Variants in BCO1 observed in about 807,000 individuals in gnomAD.
The protein encoded by BCO1 is beta-carotene oxygenase 1.
In BCO1, 54 loss-of-function variants were observed where a neutral mutation model predicts 56.3. That is an observed-to-expected ratio of 0.96 (90% CI 0.77 to 1.20). The LOEUF is 1.20. Ranked by LOEUF, BCO1 falls within the 50% of genes most tolerant of loss-of-function variation. The pLI is 0.00. For synonymous variants in BCO1, 318 were observed against 266.1 expected (o/e 1.20, Z -1.90); for missense variants, 801 against 690.9 (o/e 1.16, Z -1.79).
At chr16:81,276,389 C>G (rs1045256475) in intron 7 of BCO1, among the ~76,000 whole-genome samples, 2 of 152,174 alleles carry the variant, frequency 1.3e-5, no homozygotes, top group Non-Finnish European at 2.9e-5. Context: ...CCCAGAAGCT[C>G]CTGAAGGGCC....
intron 7 of BCO1, among the ~76,000 whole-genome samples, chr16:81,275,266 C>T (rs1330733670): frequency 6.6e-6 from 1 of 152,246 alleles, no homozygotes; most frequent in Non-Finnish European, 1.5e-5. Flanking sequence ...GCTGACACTC[C>T]TGCTCCCCCT....
intron 5 of BCO1, among the ~76,000 whole-genome samples, chr16:81,265,229 AT>A (rs1906738643): frequency 6.7e-6 from 1 of 149,844 alleles, no homozygotes; most frequent in Non-Finnish European, 1.5e-5. Context: ...CCGTCCACCC[AT>A]CCACCTATCC....
intron 8 of BCO1, among the ~76,000 whole-genome samples, chr16:81,284,699 G>T (rs757396782): frequency 1.4e-4 from 22 of 152,018 alleles, no homozygotes; most frequent in Non-Finnish European, 3.1e-4. Flanking sequence ...TGAGCAGGTT[G>T]GTCTCAAACT....
chr16:81,258,124 T>C (rs557461286), intron 2 of BCO1, among the ~76,000 whole-genome samples: 21 of 152,194 alleles, frequency 1.4e-4, no homozygotes, highest in East Asian at 5.8e-4. Flanking sequence ...CCCTGGAGCC[T>C]CCAAAAGGAA....
intron 1 of BCO1, among the ~76,000 whole-genome samples, chr16:81,239,321 C>A (rs923952761): frequency 1.3e-5 from 2 of 152,060 alleles, no homozygotes; most frequent in African/African-American, 4.8e-5. Context: ...CTGGCTTCTT[C>A]CTTGTGTTTA....
intron 7 of BCO1, among the ~76,000 whole-genome samples, chr16:81,276,287 C>T (rs1304751637): frequency 6.6e-6 from 1 of 152,224 alleles, no homozygotes; most frequent in African/African-American, 2.4e-5. Flanking sequence ...AGGACCCGTA[C>T]TCCACAGGGT....
In BCO1 at chr16:81,238,711, C is replaced by T. The variant is rs1408832899; in HGVS notation, c.-198C>T. Reference sequence around the variant, plus strand: ...CTTGTGAATGTAAAGAGATCCAGGGCTCTTGGAGAGGGACAAGTGAGAGCC... The same window carrying T: ...CTTGTGAATGTAAAGAGATCCAGGGTTCTTGGAGAGGGACAAGTGAGAGCC... On this transcript the variant is annotated 5_prime_UTR_variant, in exon 1 of 11. Coordinates refer to ENST00000258168, the MANE Select transcript of BCO1 (RefSeq NM_017429.3). 1.1e-5 allele frequency: 7 copies of T among 635,230 alleles called. No homozygotes were observed. The South Asian group carries it at 1.1e-4, about 10-fold the overall frequency. 39.3% of individuals were successfully genotyped at this position (635,230 alleles called of 1,614,324 possible). A position where few individuals can be genotyped will look rare whatever the true frequency, so the allele number is the denominator to read the frequency against.
intron 4 of BCO1, chr16:81,264,146 C>A: frequency 5.3e-6 from 1 of 188,180 alleles, no homozygotes. Context: ...CCAGAATAAT[C>A]GTCTAAGAGA....
intron 2 of BCO1, among the ~76,000 whole-genome samples, chr16:81,255,778 T>C (rs1567702372): frequency 6.6e-6 from 1 of 151,618 alleles, no homozygotes; most frequent in African/African-American, 2.4e-5. Flanking sequence ...GTGCTGGGAT[T>C]ATAGGAGTGA....
In BCO1 at chr16:81,270,437, C is replaced by T. The variant is rs755036159; in HGVS notation, c.1101+21C>T. On this transcript the variant is annotated intron_variant, in intron 7 of 10. Transcript: ENST00000258168. ...ACAAGGTAATGGCTTCCAAGGAGGT[C>T]CCTTTTCTTTCTAGAGAGATATCGG... 11 of 1,613,558 alleles carry T rather than the reference C, an allele frequency of 6.8e-6. No homozygotes were observed. The East Asian group carries it at 2.0e-4, about 29-fold the overall frequency.
rs1157316912 is a variant in BCO1, at chr16:81,262,836, C to CAA, written c.471+572_471+573dup. The CAA allele has an allele frequency of 2.5e-3, 279 of 112,698 alleles. 2 individuals carry two copies. Among genetic ancestry groups the CAA allele is most frequent in the Middle Eastern group, 0.014 (3 of 218 alleles). The allele number at this position is 112,698 out of a possible 1,614,324, so 7.0% of individuals were successfully genotyped here. A position where few individuals can be genotyped will look rare whatever the true frequency, so the allele number is the denominator to read the frequency against. ...AGTGAGACTCTGTCTCAAACAAAAA[C>CAA]AAAAAAAAAAAAAAAAAAAACAAGA... On this transcript the variant is annotated intron_variant, in intron 4 of 10. Coordinates refer to ENST00000258168, the MANE Select transcript of BCO1 (RefSeq NM_017429.3).
chr16:81,266,157 C>T (rs1381964718), intron 5 of BCO1, among the ~76,000 whole-genome samples: 5 of 152,234 alleles, frequency 3.3e-5, no homozygotes, highest in Non-Finnish European at 7.3e-5. Flanking sequence ...GTTTAGGGAG[C>T]TCAGTCCTGC....
chr16:81,267,378 C>T (rs1050484693), intron 5 of BCO1, among the ~76,000 whole-genome samples: 1 of 152,136 alleles, frequency 6.6e-6, no homozygotes, highest in African/African-American at 2.4e-5. Context: ...TTTGGGAGGC[C>T]GAGGCGGGCA....
At chr16:81,248,685 A>G (rs1905581531) in intron 2 of BCO1, among the ~76,000 whole-genome samples, 1 of 152,126 alleles carries the variant, frequency 6.6e-6, no homozygotes, top group Non-Finnish European at 1.5e-5. Flanking sequence ...TTGGAAATAA[A>G]TACTGTTCTG....
chr16:81,285,482 G>A, intron 8 of BCO1, 58 bp from the exon 9 acceptor site: 1 of 1,260,076 alleles, frequency 7.9e-7, no homozygotes, highest in South Asian at 1.2e-5. Flanking sequence ...GACAGGAAGG[G>A]TGGATGCTCC....
intron 7 of BCO1, among the ~76,000 whole-genome samples, chr16:81,272,113 C>CTTTTTT (rs35402352): frequency 9.0e-6 from 1 of 111,318 alleles, no homozygotes; most frequent in African/African-American, 3.5e-5. Context: ...TCTTTTCTTT[C>CTTTTTT]TTTTTTTTTT....
At chr16:81,252,786 G>C (rs1372544966) in intron 2 of BCO1, among the ~76,000 whole-genome samples, 1 of 152,160 alleles carries the variant, frequency 6.6e-6, no homozygotes, top group Non-Finnish European at 1.5e-5. Flanking sequence ...GATTTTCTTG[G>C]ACAATGCAGT....
chr16:81,264,895 C>A, intron 5 of BCO1, 108 bp downstream of exon 5: 2 of 1,287,398 alleles, frequency 1.6e-6, no homozygotes, highest in Non-Finnish European at 2.2e-6. Context: ...TACTTTCTCC[C>A]GTAGATTATT....
At chr16:81,288,936 CTG>C (rs1908324943) in intron 10 of BCO1, among the ~76,000 whole-genome samples, 1 of 152,210 alleles carries the variant, frequency 6.6e-6, no homozygotes, top group Non-Finnish European at 1.5e-5. Flanking sequence ...GCCAGCAACC[CTG>C]TGTCACTGTC....
Sources: gnomAD v4.1 joint callset for allele counts (sites outside exome capture counted in the v4.1 genomes callset) on GRCh38, gnomAD v4.1.1 for gene constraint, MANE v1.5 for transcripts, NCBI Gene and HGNC (gene_info 2026-07-23, HGNC 2026-07-21) for gene names.